DLG1: variants seen among roughly 807,000 people sequenced by gnomAD.
DLG1 encodes disks large homolog 1.
DLG1 carries 42 observed loss-of-function variants against 123.4 expected under a neutral mutation model. That is an observed-to-expected ratio of 0.34 (90% CI 0.27 to 0.44). The LOEUF (loss-of-function observed/expected upper bound fraction) is 0.44, where lower values mean the gene tolerates loss of function less well. DLG1 is among the 20% of genes least tolerant of loss of function. DLG1 has a pLI of 1.00. For synonymous variants in DLG1, 317 were observed against 356.2 expected (o/e 0.89, Z 1.24); for missense variants, 942 against 1,082.6 (o/e 0.87, Z 1.82).
chr3:197,258,345 G>GT (rs1424176990), intron 4 of DLG1, among the ~76,000 whole-genome samples: 1 of 135,652 alleles, frequency 7.4e-6, no homozygotes, highest in Non-Finnish European at 1.5e-5. Context: ...AGCAGTGATG[G>GT]TTTAGTCATC....
chr3:197,104,283 A>G (rs1229361524), intron 14 of DLG1, among the ~76,000 whole-genome samples: 3 of 152,162 alleles, frequency 2.0e-5, no homozygotes, highest in African/African-American at 7.2e-5. Flanking sequence ...ATTAAAAGCT[A>G]TGTCTTCAGT....
At chr3:197,298,222 C>T (rs1015571752) in intron 1 of DLG1, 6 of 322,224 alleles carry the variant, frequency 1.9e-5, no homozygotes, top group African/African-American at 8.5e-5. Context: ...CCCCGGGCTC[C>T]CCGCGCTGCT....
In DLG1 at chr3:197,093,659, C is replaced by A. The variant is rs533820505; in HGVS notation, c.1547-2633G>T. On this transcript the variant is annotated intron_variant, in intron 14 of 24. Coordinates refer to ENST00000667157, the MANE Select transcript of DLG1 (RefSeq NM_001366207.1). ...CTTATGTACTGCACAGGGTTAAATTCTGCTTCATTAGCAAGCCTGAAAATT... is the reference window on the plus strand; with the variant it reads ...CTTATGTACTGCACAGGGTTAAATTATGCTTCATTAGCAAGCCTGAAAATT... 3.3e-5 allele frequency among the ~76,000 whole-genome samples: 5 copies of A among 150,670 alleles called. No individual in the cohort carries two copies. The South Asian group carries it at 1.0e-3, about 32-fold the overall frequency.
At chr3:197,221,663 A>G (rs1357908978) in intron 4 of DLG1, among the ~76,000 whole-genome samples, 1 of 152,190 alleles carries the variant, frequency 6.6e-6, no homozygotes, top group Non-Finnish European at 1.5e-5. Context: ...GCTTTATCTC[A>G]GCTAAACAGA....
intron 10 of DLG1, among the ~76,000 whole-genome samples, chr3:197,132,657 G>A (rs1182852133): frequency 1.7e-5 from 2 of 116,446 alleles, no homozygotes; most frequent in African/African-American, 6.7e-5. Context: ...AATAGCTGTG[G>A]CATACTGCTG....
At chr3:197,212,952 G>C (rs954086008) in intron 4 of DLG1, among the ~76,000 whole-genome samples, 13 of 152,340 alleles carry the variant, frequency 8.5e-5, no homozygotes, top group Non-Finnish European at 1.6e-4. Context: ...TGGGGAGAAA[G>C]AAGAGACAAA....
At chr3:197,093,829 CTT>C (rs1759144346) in intron 14 of DLG1, among the ~76,000 whole-genome samples, 1 of 152,164 alleles carries the variant, frequency 6.6e-6, no homozygotes, top group Non-Finnish European at 1.5e-5. Context: ...CCCACATGCT[CTT>C]GTACACTGTG....
intron 14 of DLG1, among the ~76,000 whole-genome samples, chr3:197,100,851 G>A (rs763065288): frequency 2.6e-4 from 40 of 152,194 alleles, no homozygotes; most frequent in East Asian, 9.6e-4. Context: ...TGATGGCCCC[G>A]AAGAATGGAA....
chr3:197,209,941 G>T (rs1003514610), intron 4 of DLG1, among the ~76,000 whole-genome samples: 2 of 146,546 alleles, frequency 1.4e-5, no homozygotes, highest in African/African-American at 4.9e-5. Context: ...ATTGTTACCA[G>T]AAGGGTTAAC....
intron 4 of DLG1, among the ~76,000 whole-genome samples, chr3:197,219,917 C>A (rs975851308): frequency 2.0e-5 from 3 of 152,188 alleles, no homozygotes; most frequent in African/African-American, 7.2e-5. Context: ...ATTAAATTTG[C>A]TGTCTAAGCC....
At chr3:197,265,531 C>A (rs1023777074) in intron 4 of DLG1, among the ~76,000 whole-genome samples, 3 of 152,058 alleles carry the variant, frequency 2.0e-5, no homozygotes, top group Non-Finnish European at 4.4e-5. Flanking sequence ...AAGGAGAGAG[C>A]GGGACAGAAA....
At chr3:197,047,833 G>A (rs1213843908) in intron 24 of DLG1, among the ~76,000 whole-genome samples, 1 of 151,942 alleles carries the variant, frequency 6.6e-6, no homozygotes, top group Non-Finnish European at 1.5e-5. Context: ...AGAAAACACA[G>A]GGAAAAAAGC....
chr3:197,104,125 G>C (rs796773288), intron 14 of DLG1, among the ~76,000 whole-genome samples: 32 of 152,204 alleles, frequency 2.1e-4, no homozygotes, highest in African/African-American at 7.2e-4. Flanking sequence ...ACAGCTATTA[G>C]AAACATGTCT....
chr3:197,123,735 T>C (rs915991989), intron 11 of DLG1, among the ~76,000 whole-genome samples: 1 of 152,126 alleles, frequency 6.6e-6, no homozygotes, highest in African/African-American at 2.4e-5. Context: ...CCTCACTCCA[T>C]GAGAAATGAC....
chr3:197,299,018 A>C (rs534344510), upstream of DLG1: 3 of 153,120 alleles, frequency 2.0e-5, no homozygotes, highest in African/African-American at 7.2e-5. Context: ...TGTTACCCAA[A>C]CTCTGACGGT....
intron 5 of DLG1, among the ~76,000 whole-genome samples, chr3:197,190,445 C>A (rs983085992): frequency 1.3e-5 from 2 of 152,162 alleles, no homozygotes; most frequent in African/African-American, 4.8e-5. Context: ...TTGCATCCTA[C>A]AAATACTTTT....
intron 5 of DLG1, among the ~76,000 whole-genome samples, chr3:197,173,626 T>C (rs1805430775): frequency 6.6e-6 from 1 of 152,198 alleles, no homozygotes; most frequent in Non-Finnish European, 1.5e-5. Context: ...ATATATTACC[T>C]GTAAAAAGAA....
intron 5 of DLG1, among the ~76,000 whole-genome samples, chr3:197,150,720 A>G (rs1793442440): frequency 6.6e-6 from 1 of 152,144 alleles, no homozygotes; most frequent in South Asian, 2.1e-4. Context: ...TGTAACACAA[A>G]ATAACCATTT....
intron 4 of DLG1, among the ~76,000 whole-genome samples, chr3:197,266,626 AG>A (rs1392253396): frequency 6.6e-6 from 1 of 152,014 alleles, no homozygotes; most frequent in East Asian, 1.9e-4. Flanking sequence ...AAAGAAGGAG[AG>A]GGAGAGGAGA....
Sources: allele counts gnomAD v4.1 joint callset (sites outside exome capture counted in the v4.1 genomes callset), GRCh38; gene constraint gnomAD v4.1.1; transcripts MANE v1.5; gene names NCBI Gene and HGNC (gene_info 2026-07-23, HGNC 2026-07-21).